The following TMEM132D variants were observed in gnomAD, a reference collection of about 807,000 sequenced individuals.
The protein encoded by TMEM132D is transmembrane protein 132D, also known as mature OL transmembrane protein.
In TMEM132D, 21 loss-of-function variants were observed where a neutral mutation model predicts 62.3. The observed-to-expected ratio is 0.34, with a 90% CI of 0.24 to 0.49. The LOEUF (loss-of-function observed/expected upper bound fraction) is 0.49, where lower values mean the gene tolerates loss of function less well. TMEM132D is among the 20% of genes least tolerant of loss of function. TMEM132D has a pLI of 0.99. For missense variants in TMEM132D, 1,346 were observed against 1,402.8 expected, an observed-to-expected ratio of 0.96 and a Z score of 0.65; for synonymous variants, 621 against 575.6, an observed-to-expected ratio of 1.08 and a Z score of -1.13.
At chr12:129,165,994 A>C (rs1593282569) in intron 5 of TMEM132D, among the ~76,000 whole-genome samples, 2 of 152,204 alleles carry the variant, frequency 1.3e-5, no homozygotes, top group East Asian at 3.8e-4. Context: ...TAGTTCTCAC[A>C]ACCACCATTG....
chr12:129,645,205 CA>C (rs1879742632), intron 2 of TMEM132D, among the ~76,000 whole-genome samples: 1 of 152,034 alleles, frequency 6.6e-6, no homozygotes, highest in African/African-American at 2.4e-5. Flanking sequence ...TGAAAAGACA[CA>C]TTTACCATCT....
intron 2 of TMEM132D, among the ~76,000 whole-genome samples, chr12:129,531,728 G>A (rs992074524): frequency 4.6e-5 from 7 of 152,138 alleles, no homozygotes; most frequent in African/African-American, 1.4e-4. Context: ...AACAATGATG[G>A]CCTCAAGTGA....
chr12:129,770,576 C>T (rs1870710680), intron 1 of TMEM132D, among the ~76,000 whole-genome samples: 1 of 152,152 alleles, frequency 6.6e-6, no homozygotes, highest in Admixed American at 6.5e-5. Context: ...ATACAGATGC[C>T]ACTCGACTTA....
intron 2 of TMEM132D, among the ~76,000 whole-genome samples, chr12:129,644,199 A>T (rs1295296143): frequency 6.6e-6 from 1 of 152,158 alleles, no homozygotes; most frequent in Non-Finnish European, 1.5e-5. Flanking sequence ...GCTGTGCCCC[A>T]ACCACCTTGG....
At chr12:129,869,622 C>A (rs147122329) in intron 1 of TMEM132D, among the ~76,000 whole-genome samples, 6 of 152,268 alleles carry the variant, frequency 3.9e-5, no homozygotes, top group East Asian at 1.9e-4. Flanking sequence ...GCAGAACCCA[C>A]GAATACAGAG....
chr12:129,453,964 G>C (rs376002216), intron 3 of TMEM132D, among the ~76,000 whole-genome samples: 6 of 152,212 alleles, frequency 3.9e-5, no homozygotes, highest in African/African-American at 9.7e-5. Flanking sequence ...AGTAAGAGAA[G>C]GATGGTTTTC....
chr12:129,613,825 G>A (rs1216937240), intron 2 of TMEM132D, among the ~76,000 whole-genome samples: 1 of 151,920 alleles, frequency 6.6e-6, no homozygotes, highest in African/African-American at 2.4e-5. Context: ...CCAGGGGACT[G>A]TCTGCAGAAC....
intron 1 of TMEM132D, among the ~76,000 whole-genome samples, chr12:129,789,241 A>G (rs1436997982): frequency 6.6e-6 from 1 of 151,960 alleles, no homozygotes; most frequent in Non-Finnish European, 1.5e-5. Context: ...CGAGTCCTCA[A>G]AATCCATGAC....
intron 3 of TMEM132D, among the ~76,000 whole-genome samples, chr12:129,507,198 A>T (rs1359245054): frequency 6.6e-6 from 1 of 152,132 alleles, no homozygotes; most frequent in African/African-American, 2.4e-5. Context: ...ATAAAAAAAT[A>T]AAAAATAAAT....
rs1391949869 is a variant in TMEM132D, at chr12:129,827,454, G to A, written c.79+75807C>T. Among the ~76,000 whole-genome samples, 6 of 152,080 alleles carry A rather than the reference G, an allele frequency of 3.9e-5. No homozygotes were observed. The highest frequency in any genetic ancestry group is 1.5e-5 in the Non-Finnish European group (1 of 68,018). ...CTTCCATGGTCCTCATATAAGCAAG[G>A]AGTAGAATTTGCAAAATACTAATGG... On this transcript the variant is annotated intron_variant, in intron 1 of 8. Transcript: ENST00000422113. This position sits in a 1 kb window ranked among gnomAD's most constrained non-coding sequence, Gnocchi z 9.7.
At chr12:129,729,889 A>T (rs1487949730) in intron 1 of TMEM132D, among the ~76,000 whole-genome samples, 2 of 152,192 alleles carry the variant, frequency 1.3e-5, no homozygotes, top group African/African-American at 4.8e-5. Context: ...CTATCATGAC[A>T]TTCCCCTGCC....
chr12:129,360,971 C>T (rs1034792553), intron 3 of TMEM132D, among the ~76,000 whole-genome samples: 2 of 152,142 alleles, frequency 1.3e-5, no homozygotes, highest in African/African-American at 2.4e-5. Context: ...TGAATGGGAG[C>T]GCTCTTATCT....
rs921995581 is a variant in TMEM132D at position 129,586,923 on chromosome 12, A to C, written c.969-55718T>G. Among the ~76,000 whole-genome samples, 10 of 152,220 alleles carry C rather than the reference A, an allele frequency of 6.6e-5. No homozygotes were observed. The East Asian group carries it at 1.9e-3, about 29-fold the overall frequency. Reference sequence around the variant, plus strand: ...AAATATGAGATAGATACCATGAACCATAAACAAAGCCCACTGACTTCACAC... The same window carrying C: ...AAATATGAGATAGATACCATGAACCCTAAACAAAGCCCACTGACTTCACAC... On this transcript the variant is annotated intron_variant, in intron 2 of 8. Transcript: ENST00000422113.
At chr12:129,531,323 T>C (rs1876219418) in intron 2 of TMEM132D, 118 bp from the exon 3 acceptor site, 1 of 1,228,396 alleles carries the variant, frequency 8.1e-7, no homozygotes, top group South Asian at 2.3e-5. Context: ...TAAGCTCATG[T>C]ATACTAGGAT....
chr12:129,373,179 C>T (rs1870667726), intron 3 of TMEM132D, among the ~76,000 whole-genome samples: 1 of 152,190 alleles, frequency 6.6e-6, no homozygotes, highest in African/African-American at 2.4e-5. Flanking sequence ...GACAGCACTT[C>T]ATCCTTTCTG....
chr12:129,313,244 T>A (rs1321091044), intron 4 of TMEM132D, among the ~76,000 whole-genome samples: 1 of 152,156 alleles, frequency 6.6e-6, no homozygotes, highest in East Asian at 1.9e-4. Context: ...TGGTGGCGAT[T>A]TGTGAGATTT....
At chr12:129,482,449 T>C (rs1232389126) in intron 3 of TMEM132D, among the ~76,000 whole-genome samples, 2 of 152,184 alleles carry the variant, frequency 1.3e-5, no homozygotes, top group Non-Finnish European at 2.9e-5. Context: ...TAACAATATG[T>C]TTAAATACTT....
At chr12:129,243,608 T>G (rs920731397) in intron 4 of TMEM132D, among the ~76,000 whole-genome samples, 14 of 152,192 alleles carry the variant, frequency 9.2e-5, no homozygotes, top group African/African-American at 3.1e-4. Flanking sequence ...CAGTTTGGCC[T>G]TTGGCTTATT....
At chr12:129,082,098 GA>G in intron 6 of TMEM132D, 66 bp from the exon 7 acceptor site, 1 of 1,529,472 alleles carries the variant, frequency 6.5e-7, no homozygotes, top group South Asian at 1.3e-5. Context: ...GCCGTGTGTG[GA>G]GCCTGGTGGG....
Sources: allele counts gnomAD v4.1 joint callset (sites outside exome capture counted in the v4.1 genomes callset), GRCh38; gene constraint gnomAD v4.1.1; non-coding constraint Gnocchi (gnomAD v3.1); transcripts MANE v1.5; gene names NCBI Gene and HGNC (gene_info 2026-07-23, HGNC 2026-07-21).